Variants in NR3C1 observed in about 807,000 individuals in gnomAD.
The protein encoded by NR3C1 is nuclear receptor subfamily 3 group C member 1.
In NR3C1, 14 loss-of-function variants were observed where a neutral mutation model predicts 74.0. The observed-to-expected ratio is 0.19, with a 90% CI of 0.12 to 0.30. The LOEUF (loss-of-function observed/expected upper bound fraction) is 0.30. NR3C1 is among the 10% of genes least tolerant of loss of function. The pLI is 1.00. For synonymous variants in NR3C1, 308 were observed against 332.5 expected, an observed-to-expected ratio of 0.93 and a Z score of 0.80; for missense variants, 695 against 909.8, an observed-to-expected ratio of 0.76 and a Z score of 3.04.
chr5:143,321,636 T>G (rs1823402165), intron 2 of NR3C1, among the ~76,000 whole-genome samples: 2 of 152,242 alleles, frequency 1.3e-5, no homozygotes, highest in South Asian at 2.1e-4. Flanking sequence ...TTTGGTCTTT[T>G]TATTTTTCCA....
intron 2 of NR3C1, among the ~76,000 whole-genome samples, chr5:143,383,680 C>T (rs969280350): frequency 4.6e-5 from 7 of 152,088 alleles, no homozygotes; most frequent in African/African-American, 1.7e-4. Context: ...AGAGAAGGAG[C>T]CTGAATTCTA....
At chr5:143,308,069 A>G (rs1329188759) in intron 4 of NR3C1, among the ~76,000 whole-genome samples, 3 of 152,090 alleles carry the variant, frequency 2.0e-5, no homozygotes, top group African/African-American at 4.8e-5. Flanking sequence ...GGGGAATTAG[A>G]CTCTTCATAG....
At chr5:143,312,339 G>A (rs1416022192) in intron 3 of NR3C1, among the ~76,000 whole-genome samples, 4 of 152,092 alleles carry the variant, frequency 2.6e-5, no homozygotes, top group Non-Finnish European at 4.4e-5. Flanking sequence ...AAAGACAATA[G>A]TTCTGCTGCA....
At chr5:143,425,538 G>GAATAATGTTGTTATGAACGTTCATGT (rs1751484366) in intron 1 of NR3C1, among the ~76,000 whole-genome samples, 1 of 151,944 alleles carries the variant, frequency 6.6e-6, no homozygotes, top group African/African-American at 2.4e-5. Context: ...ACAATAAAAA[G>GAATAATGTTGTTATGAACGTTCATGT]ACAACCAACA....
intron 1 of NR3C1, among the ~76,000 whole-genome samples, chr5:143,402,204 G>C (rs1265290037): frequency 1.3e-5 from 2 of 152,140 alleles, no homozygotes; most frequent in Non-Finnish European, 2.9e-5. Flanking sequence ...GTATCGAATG[G>C]AGCCCAATGA....
chr5:143,405,226 C>CT (rs1201868919), upstream of NR3C1: 2 of 985,618 alleles, frequency 2.0e-6, no homozygotes, highest in Non-Finnish European at 2.4e-6. Context: ...GGGGAGGTAA[C>CT]TTTTGCGCCC....
intron 4 of NR3C1, among the ~76,000 whole-genome samples, chr5:143,305,365 A>G (rs1819359748): frequency 6.6e-6 from 1 of 152,204 alleles, no homozygotes; most frequent in African/African-American, 2.4e-5. Context: ...GAGTTTAACT[A>G]CCATTCAACC....
At chr5:143,301,375 A>G (rs796672981) in intron 4 of NR3C1, among the ~76,000 whole-genome samples, 26 of 152,300 alleles carry the variant, frequency 1.7e-4, no homozygotes, top group African/African-American at 5.8e-4. Context: ...AGGTACTAAC[A>G]TAAATACTGC....
upstream of NR3C1, among the ~76,000 whole-genome samples, chr5:143,408,187 T>C (rs117189624): frequency 1.0e-3 from 155 of 152,320 alleles, 3 homozygotes; most frequent in East Asian, 0.022. Context: ...TGCATTGATA[T>C]AGTGTAGCAG....
chr5:143,426,635 A>G (rs1751543391), intron 1 of NR3C1, among the ~76,000 whole-genome samples: 1 of 152,246 alleles, frequency 6.6e-6, no homozygotes, highest in Non-Finnish European at 1.5e-5. Flanking sequence ...TCCTTTGACT[A>G]ATTTTTAAAC....
intron 2 of NR3C1, among the ~76,000 whole-genome samples, chr5:143,380,061 G>A (rs1476219804): frequency 6.6e-6 from 1 of 152,152 alleles, no homozygotes; most frequent in African/African-American, 2.4e-5. Flanking sequence ...AAGGCACCCA[G>A]TATGTTTGTT....
chr5:143,333,309 A>G (rs1459074772), intron 2 of NR3C1: 3 of 711,532 alleles, frequency 4.2e-6, no homozygotes, highest in Non-Finnish European at 7.4e-6. Flanking sequence ...GCCACTTTAC[A>G]AGTTCTTTTT....
At chr5:143,430,037 G>T (rs1751731367) in intron 1 of NR3C1, among the ~76,000 whole-genome samples, 1 of 150,314 alleles carries the variant, frequency 6.7e-6, no homozygotes, top group Non-Finnish European at 1.5e-5. Flanking sequence ...AGCCAAGATT[G>T]CACCACTGCA....
At chr5:143,381,251 A>T (rs1836181468) in intron 2 of NR3C1, among the ~76,000 whole-genome samples, 1 of 152,168 alleles carries the variant, frequency 6.6e-6, no homozygotes, top group South Asian at 2.1e-4. Flanking sequence ...AAAGAGCTCT[A>T]CAATGAAAAC....
In NR3C1 at chr5:143,400,495, C is replaced by T. The variant is rs759870990; in HGVS notation, c.345G>A (p.Gly115=). ...PQQGQISLSS[G]ETDLKLLEES... is the part of the protein sequence containing the mutation. ...CTTCCAAAAGCTTTAAGTCTGTTTCCCCCGAGGAAAGGCTGATTTGGCCCT... is the reference window on the plus strand; with the variant it reads ...CTTCCAAAAGCTTTAAGTCTGTTTCTCCCGAGGAAAGGCTGATTTGGCCCT... The change falls in exon 2 of 9, where the codon GGG becomes GGA. Residue 115 remains glycine, a synonymous_variant. Transcript: ENST00000394464. 2.5e-6 allele frequency: 4 copies of T among 1,614,074 alleles called. No homozygotes were observed. The highest frequency in any genetic ancestry group is 1.7e-5 in the Admixed American group (1 of 60,002).
chr5:143,375,214 T>G (rs2151867338), intron 2 of NR3C1, among the ~76,000 whole-genome samples: 1 of 152,260 alleles, frequency 6.6e-6, no homozygotes, highest in South Asian at 2.1e-4. Context: ...GACATAAAAC[T>G]TCTAAAAGAA....
chr5:143,403,710 C>T, upstream of NR3C1: 1 of 985,358 alleles, frequency 1.0e-6, no homozygotes. Context: ...CACACTCGCA[C>T]ACACGCGCTC....
At chr5:143,349,478 C>T (rs1048948089) in intron 2 of NR3C1, among the ~76,000 whole-genome samples, 3 of 152,182 alleles carry the variant, frequency 2.0e-5, no homozygotes, top group Admixed American at 1.3e-4. Flanking sequence ...CTCTCCAACT[C>T]TGCCATGCAT....
At chr5:143,391,753 G>T (rs746477027) in intron 2 of NR3C1, among the ~76,000 whole-genome samples, 5 of 151,938 alleles carry the variant, frequency 3.3e-5, no homozygotes, top group Non-Finnish European at 7.4e-5. Context: ...TTAAAATACA[G>T]CAGTCTTTAT....
Sources: allele counts gnomAD v4.1 joint callset (sites outside exome capture counted in the v4.1 genomes callset), GRCh38; gene constraint gnomAD v4.1.1; transcripts MANE v1.5; gene names NCBI Gene and HGNC (gene_info 2026-07-23, HGNC 2026-07-21).